The following PDZRN4 variants were observed in gnomAD, a reference collection of about 807,000 sequenced individuals.
PDZRN4 encodes the protein PDZ domain containing ring finger 4.
Under a neutral mutation model 99.0 loss-of-function variants are expected in PDZRN4, and 70 were observed. The ratio of observed to expected loss-of-function variants is 0.71; its 90% CI spans 0.58 to 0.86. PDZRN4 has a LOEUF of 0.86. Ranked by LOEUF, PDZRN4 falls within the 40% of genes least tolerant of loss-of-function variation. PDZRN4 has a pLI of 0.00. For synonymous variants in PDZRN4, 551 were observed against 501.6 expected (o/e 1.10, Z -1.32); for missense variants, 1,474 against 1,331.2 (o/e 1.11, Z -1.67).
intron 5 of PDZRN4, among the ~76,000 whole-genome samples, chr12:41,551,232 T>G (rs957391616): frequency 6.6e-6 from 1 of 152,038 alleles, no homozygotes; most frequent in Admixed American, 6.6e-5. Flanking sequence ...AGAGGCAAGA[T>G]AGCTCTCTGG....
intron 3 of PDZRN4, among the ~76,000 whole-genome samples, chr12:41,417,933 G>A (rs1384117075): frequency 6.6e-6 from 1 of 152,162 alleles, no homozygotes; most frequent in Non-Finnish European, 1.5e-5. Flanking sequence ...TGATAGCCAT[G>A]TAACACAAAC....
At chr12:41,346,679 G>T (rs1565558164) in intron 3 of PDZRN4, among the ~76,000 whole-genome samples, 1 of 152,058 alleles carries the variant, frequency 6.6e-6, no homozygotes, top group Non-Finnish European at 1.5e-5. Context: ...CTTGATGGTG[G>T]ATGGTACTAA....
At chr12:41,442,183 C>T (rs1322436924) in intron 3 of PDZRN4, among the ~76,000 whole-genome samples, 3 of 151,952 alleles carry the variant, frequency 2.0e-5, no homozygotes, top group African/African-American at 7.3e-5. Context: ...GTAATTGCTC[C>T]AGACTCTATT....
intron 3 of PDZRN4, among the ~76,000 whole-genome samples, chr12:41,436,717 A>C (rs1239013106): frequency 6.6e-6 from 1 of 152,198 alleles, no homozygotes; most frequent in Non-Finnish European, 1.5e-5. Flanking sequence ...GCCAGCTTGC[A>C]ATACAACACA....
At chr12:41,280,782 G>A (rs76592450) in intron 3 of PDZRN4, among the ~76,000 whole-genome samples, 2,198 of 152,276 alleles carry the variant, frequency 0.014, 22 homozygotes, top group Middle Eastern at 0.034. Context: ...GGATGTGGGT[G>A]CAGCTTCAGC....
At chr12:41,220,418 C>G (rs139070736) in intron 3 of PDZRN4, among the ~76,000 whole-genome samples, 1 of 152,156 alleles carries the variant, frequency 6.6e-6, no homozygotes, top group East Asian at 1.9e-4. Context: ...ACCCCATGTC[C>G]AAATGCAGTC....
At chr12:41,272,375 G>C (rs1951319991) in intron 3 of PDZRN4, among the ~76,000 whole-genome samples, 1 of 151,992 alleles carries the variant, frequency 6.6e-6, no homozygotes, top group African/African-American at 2.4e-5. Context: ...TTCTTAAATG[G>C]AATATGTATG....
At chr12:41,465,216 T>A (rs3110189) in intron 3 of PDZRN4, among the ~76,000 whole-genome samples, 26,446 of 152,142 alleles carry the variant, frequency 0.17, 2,511 homozygotes, top group Non-Finnish European at 0.21. Flanking sequence ...GGCGTAAGAA[T>A]CATCTACCAA....
At chr12:41,382,629 A>C (rs1952135831) in intron 3 of PDZRN4, among the ~76,000 whole-genome samples, 1 of 152,200 alleles carries the variant, frequency 6.6e-6, no homozygotes, top group South Asian at 2.1e-4. Flanking sequence ...ACTAATCAGC[A>C]ATCTCTCTGC....
At chr12:41,236,406 G>C (rs1173266955) in intron 3 of PDZRN4, among the ~76,000 whole-genome samples, 1 of 152,088 alleles carries the variant, frequency 6.6e-6, no homozygotes, top group East Asian at 1.9e-4. Flanking sequence ...GGAGCACAGA[G>C]GAAACGAAGG....
At chr12:41,530,561 A>G (rs527491300) in intron 5 of PDZRN4, among the ~76,000 whole-genome samples, 3 of 152,198 alleles carry the variant, frequency 2.0e-5, no homozygotes, top group Non-Finnish European at 2.9e-5. Flanking sequence ...TTGTAATATT[A>G]CAATGTGCTG....
At chr12:41,508,840 G>A (rs1938254235) in intron 4 of PDZRN4, among the ~76,000 whole-genome samples, 1 of 152,124 alleles carries the variant, frequency 6.6e-6, no homozygotes, top group African/African-American at 2.4e-5. Context: ...CAAGGGAGAA[G>A]GGAACTAATT....
intron 5 of PDZRN4, among the ~76,000 whole-genome samples, chr12:41,529,228 TTTGTGTG>T (rs1938620978): frequency 6.8e-6 from 1 of 147,924 alleles, no homozygotes; most frequent in African/African-American, 2.5e-5. Context: ...TGTGTGTGTG[TTTGTGTG>T]TGTGTGTGTG....
At chr12:41,493,707 C>T (rs750432215) in intron 3 of PDZRN4, among the ~76,000 whole-genome samples, 1 of 152,004 alleles carries the variant, frequency 6.6e-6, no homozygotes, top group Non-Finnish European at 1.5e-5. Flanking sequence ...ATTGTGTCCA[C>T]GAAGGTAAAA....
rs950805038 is a variant in PDZRN4, at chr12:41,247,974, A to G, written c.843+53786A>G. On this transcript the variant is annotated intron_variant, in intron 3 of 9. Coordinates refer to ENST00000402685, the MANE Select transcript of PDZRN4 (RefSeq NM_001164595.2). ...TGTGCTGAAGGCTCACAGACGTGAAAGTTATTGGACTGTTGTTTTAGGCAG... is the reference window on the plus strand; with the variant it reads ...TGTGCTGAAGGCTCACAGACGTGAAGGTTATTGGACTGTTGTTTTAGGCAG... 3.6e-3 allele frequency among the ~76,000 whole-genome samples: 535 copies of G among 150,116 alleles called. 6 individuals are homozygous for G. Among genetic ancestry groups the G allele is most frequent in the African/African-American group, 0.012 (511 of 41,072 alleles).
At chr12:41,501,676 G>A (rs550970677) in intron 3 of PDZRN4, among the ~76,000 whole-genome samples, 66 of 152,174 alleles carry the variant, frequency 4.3e-4, no homozygotes, top group African/African-American at 1.5e-3. Context: ...TTAAGATTAT[G>A]CTATCAATAT....
intron 8 of PDZRN4, among the ~76,000 whole-genome samples, chr12:41,567,294 G>A (rs285568): frequency 0.88 from 134,053 of 152,208 alleles, 59,334 homozygotes; most frequent in African/African-American, 0.97. Flanking sequence ...CCATCTTGTT[G>A]ACATGGGAGC....
chr12:41,448,955 C>T (rs1035715329), intron 3 of PDZRN4, among the ~76,000 whole-genome samples: 1 of 152,138 alleles, frequency 6.6e-6, no homozygotes, highest in African/African-American at 2.4e-5. Flanking sequence ...TCCTTTGCCC[C>T]AACTGGGCTC....
chr12:41,273,999 T>C (rs910661885), intron 3 of PDZRN4, among the ~76,000 whole-genome samples: 1 of 152,114 alleles, frequency 6.6e-6, no homozygotes, highest in African/African-American at 2.4e-5. Flanking sequence ...GTCTTTACTT[T>C]GTCATAAAAG....
Sources: allele counts gnomAD v4.1 joint callset (sites outside exome capture counted in the v4.1 genomes callset), GRCh38; gene constraint gnomAD v4.1.1; transcripts MANE v1.5; gene names NCBI Gene and HGNC (gene_info 2026-07-23, HGNC 2026-07-21).